The following SBF2 variants were observed in gnomAD, a reference collection of about 807,000 sequenced individuals.
The protein encoded by SBF2 is SET binding factor 2.
SBF2 carries 112 observed loss-of-function variants against 225.2 expected under a neutral mutation model. The observed-to-expected ratio is 0.50, with a 90% CI of 0.43 to 0.58. SBF2 has a LOEUF of 0.58. Among genes scored for constraint, SBF2 ranks in the 20% least tolerant of loss-of-function variants. The probability of loss-of-function intolerance (pLI) is 0.00; values close to 1 mark genes in which losing one functional copy is unlikely to be tolerated. For synonymous variants in SBF2, 763 were observed against 773.3 expected, an observed-to-expected ratio of 0.99 and a Z score of 0.22; for missense variants, 1,996 against 2,206.2, an observed-to-expected ratio of 0.90 and a Z score of 1.91.
At chr11:10,106,854 C>A (rs1952580309) in intron 2 of SBF2, among the ~76,000 whole-genome samples, 1 of 151,460 alleles carries the variant, frequency 6.6e-6, no homozygotes, top group East Asian at 1.9e-4. Flanking sequence ...AAAAATGGGC[C>A]AAAGAATTGA....
chr11:9,887,302 G>A (rs1337236417), intron 17 of SBF2, among the ~76,000 whole-genome samples: 1 of 151,934 alleles, frequency 6.6e-6, no homozygotes, highest in African/African-American at 2.4e-5. Flanking sequence ...GTGTTCTAGA[G>A]CTTCTGAGTA....
At chr11:9,785,611 T>G (rs542770857) in intron 36 of SBF2, among the ~76,000 whole-genome samples, 1 of 152,094 alleles carries the variant, frequency 6.6e-6, no homozygotes, top group Non-Finnish European at 1.5e-5. Flanking sequence ...CATGTAATCC[T>G]AGCACTTTGG....
Position 9,789,235 on chromosome 11 carries a change from CT to C in SBF2, c.4805del (p.Lys1602SerfsTer52). ...GGTCAGAGTCTTCGGAGGGGAAGTG[CT>C]TGGGGGTTAGCATCATCCAGTCATA... The part of the protein sequence containing the change: ...PSYDWMMLTP[K>X]HFPSEDSDLA... On this transcript the variant is annotated frameshift_variant, in exon 35 of 40. Transcript: ENST00000256190. LOFTEE classifies it high-confidence loss of function. 1 of 1,614,122 alleles carries C rather than the reference CT, an allele frequency of 6.2e-7. No individual in the cohort carries two copies. The highest frequency in any genetic ancestry group is 8.5e-7 in the Non-Finnish European group (1 of 1,179,988).
chr11:9,805,923 G>A (rs1299154489), intron 32 of SBF2, among the ~76,000 whole-genome samples: 1 of 152,148 alleles, frequency 6.6e-6, no homozygotes, highest in Non-Finnish European at 1.5e-5. Context: ...GCCCGACCAG[G>A]ATATTCTAGA....
rs963608316 is a variant in SBF2, at chr11:9,989,055, T to TATATATATATATATATATAC, written c.1395+441_1395+442insGTATATATATATATATATAT. 2.0e-4 allele frequency among the ~76,000 whole-genome samples: 28 copies of TATATATATATATATATATAC among 142,726 alleles called. No homozygotes were observed. In the Middle Eastern group the frequency reaches 0.012, roughly 63 times the overall value. 93.6% of individuals were successfully genotyped at this position (142,726 alleles called of 152,430 possible). ...ACTGTGCCAAATATATATATATATA[T>TATATATATATATATATATAC]ACATATGCATACATACACATACACA... is the stretch of plus-strand genomic sequence containing the variant. On this transcript the variant is annotated intron_variant, in intron 13 of 39. Coordinates refer to ENST00000256190, the MANE Select transcript of SBF2 (RefSeq NM_030962.4).
intron 16 of SBF2, among the ~76,000 whole-genome samples, chr11:9,918,328 C>T (rs1275561638): frequency 1.3e-5 from 2 of 151,868 alleles, no homozygotes; most frequent in African/African-American, 4.8e-5. Context: ...TTTCCCATGT[C>T]TACTAAGTCT....
At chr11:10,118,468 C>T (rs966927445) in intron 2 of SBF2, among the ~76,000 whole-genome samples, 4 of 151,538 alleles carry the variant, frequency 2.6e-5, no homozygotes, top group African/African-American at 7.3e-5. Context: ...CAAATTTTGC[C>T]CAAAGTAATT....
chr11:10,286,848 T>C (rs2135574957), intron 1 of SBF2, among the ~76,000 whole-genome samples: 1 of 152,346 alleles, frequency 6.6e-6, no homozygotes, highest in African/African-American at 2.4e-5. Flanking sequence ...TTAGAAAAGT[T>C]TGTCAGTCTC....
chr11:9,838,214 T>C (rs1855862603), intron 26 of SBF2: 1 of 152,132 alleles, frequency 6.6e-6, no homozygotes, highest in Non-Finnish European at 1.5e-5. Flanking sequence ...TTGCCTTCTT[T>C]TGGATTATTT....
chr11:10,284,834 G>C (rs559285663), intron 1 of SBF2, among the ~76,000 whole-genome samples: 8 of 151,398 alleles, frequency 5.3e-5, no homozygotes, highest in Non-Finnish European at 1.0e-4. Context: ...ATGTTGCCTA[G>C]ACTGGTCTCA....
At chr11:10,128,025 A>T (rs1953842263) in intron 2 of SBF2, among the ~76,000 whole-genome samples, 1 of 152,220 alleles carries the variant, frequency 6.6e-6, no homozygotes, top group Non-Finnish European at 1.5e-5. Context: ...AAAGAACATA[A>T]GCACTCAATA....
chr11:10,078,719 G>A (rs949934685), intron 2 of SBF2, among the ~76,000 whole-genome samples: 3 of 152,022 alleles, frequency 2.0e-5, no homozygotes, highest in Non-Finnish European at 4.4e-5. Context: ...CATGGCACAC[G>A]TATACCTACG....
chr11:10,189,275 C>T (rs1196920789), intron 2 of SBF2, among the ~76,000 whole-genome samples: 3 of 152,132 alleles, frequency 2.0e-5, no homozygotes, highest in Non-Finnish European at 4.4e-5. Flanking sequence ...ATAACTCCTG[C>T]CTTTTAAAAT....
intron 1 of SBF2, among the ~76,000 whole-genome samples, chr11:10,239,726 C>A (rs1374175869): frequency 0.018 from 2,550 of 142,234 alleles, 68 homozygotes; most frequent in South Asian, 0.041. Flanking sequence ...CGTGACGTCA[C>A]AACAATGGTC....
At chr11:10,248,812 T>G (rs918316673) in intron 1 of SBF2, among the ~76,000 whole-genome samples, 3 of 152,196 alleles carry the variant, frequency 2.0e-5, no homozygotes, top group African/African-American at 7.2e-5. Context: ...AAACAAATTC[T>G]AGGCCGGGCG....
chr11:9,858,162 A>T, intron 18 of SBF2, 64 bp downstream of exon 18: 7 of 1,596,994 alleles, frequency 4.4e-6, no homozygotes, highest in Non-Finnish European at 5.1e-6. Flanking sequence ...CCCTGGGAAC[A>T]TCTGCTTTCC....
chr11:9,785,929 T>A (rs999000713), intron 36 of SBF2, among the ~76,000 whole-genome samples: 1 of 152,134 alleles, frequency 6.6e-6, no homozygotes, highest in African/African-American at 2.4e-5. Flanking sequence ...TACAGTGGCA[T>A]GATCTCGGCT....
At position 9,909,397 on chromosome 11, in the gene SBF2, C is replaced by A. The variant is rs546333695; in HGVS notation, c.1861-13386G>T. On this transcript the variant is annotated intron_variant, in intron 16 of 39. Coordinates refer to ENST00000256190, the MANE Select transcript of SBF2 (RefSeq NM_030962.4). ...TATAAGATACCCTGAGGCGGCTGGG[C>A]GCGGTGGCTTACGCCTGTAATCCCA... 2.6e-5 allele frequency among the ~76,000 whole-genome samples: 4 copies of A among 151,834 alleles called. No individual in the cohort carries two copies. The South Asian group carries it at 8.3e-4, about 32-fold the overall frequency.
chr11:10,102,377 A>C (rs1952346316), intron 2 of SBF2, among the ~76,000 whole-genome samples: 1 of 152,216 alleles, frequency 6.6e-6, no homozygotes. Flanking sequence ...TTTCATCAAA[A>C]ATAAAAGTTG....
Sources: allele counts gnomAD v4.1 joint callset (sites outside exome capture counted in the v4.1 genomes callset), GRCh38; gene constraint gnomAD v4.1.1; transcripts MANE v1.5; gene names NCBI Gene and HGNC (gene_info 2026-07-23, HGNC 2026-07-21).